Variants in CRKL observed in about 807,000 individuals in gnomAD.
The protein encoded by CRKL is CRK like proto-oncogene, adaptor protein.
CRKL carries 3 observed loss-of-function variants against 23.0 expected under a neutral mutation model. The ratio of observed to expected loss-of-function variants is 0.13; its 90% confidence interval spans 0.06 to 0.34. The LOEUF is 0.34. Among genes scored for constraint, CRKL ranks in the 10% least tolerant of loss-of-function variants. The pLI, the probability that CRKL is intolerant of heterozygous loss-of-function variation, is 1.00. For missense variants in CRKL, 256 were observed against 394.5 expected (o/e 0.65, Z 2.97); for synonymous variants, 188 against 160.7 (o/e 1.17, Z -1.28).
intron 1 of CRKL, among the ~76,000 whole-genome samples, chr22:20,926,849 C>T (rs1292275054): frequency 3.3e-5 from 5 of 151,948 alleles, no homozygotes; most frequent in Non-Finnish European, 7.4e-5. Context: ...TGGTGGCTCA[C>T]GCCTGTAATC....
At position 20,952,112 on chromosome 22, in the gene CRKL, A is replaced by G. The variant is rs1043235; in HGVS notation, c.*2267A>G. 0.62 allele frequency: 139,861 copies of G among 226,484 alleles called. 46,024 individuals are homozygous for G. Among genetic ancestry groups the G allele is most frequent in the South Asian group, 0.8 (4,418 of 5,490 alleles). 14.0% of individuals were successfully genotyped at this position (226,484 alleles called of 1,614,324 possible). On this transcript the variant is annotated 3_prime_UTR_variant, in exon 3 of 3. Coordinates refer to ENST00000354336, the MANE Select transcript of CRKL (RefSeq NM_005207.4). ...TGTTGAGCCATGAGTGGAGTTTCCA[A>G]CAGAGGGAGGAATGTGTGCCTTGTT...
chr22:20,934,115 A>C lies in CRKL; in HGVS notation c.648A>C (p.Leu216=), dbSNP rs1921567147. Residue 216 remains leucine (L), a synonymous_variant, in exon 2 of 3, where the codon CTA becomes CTC. Coordinates refer to ENST00000354336, the MANE Select transcript of CRKL (RefSeq NM_005207.4). ...CTCAACCTCAGACCACAACTCCTCT[A>C]CCTGCAGTTTCCGGTTCTCCTGGGG... The part of the protein sequence containing the change: ...AYAQPQTTTP[L]PAVSGSPGAA... 2 of 1,614,172 alleles carry C rather than the reference A, an allele frequency of 1.2e-6. No individual in the cohort carries two copies. The highest frequency in any genetic ancestry group is 1.6e-4 in the Middle Eastern group (1 of 6,062).
At chr22:20,939,264 A>G (rs1283741085) in intron 2 of CRKL, among the ~76,000 whole-genome samples, 2 of 113,494 alleles carry the variant, frequency 1.8e-5, no homozygotes, top group African/African-American at 6.8e-5. Flanking sequence ...TTTTTGAGAC[A>G]GAGTCTTGCT....
At chr22:20,941,515 ATG>A (rs57195377) in intron 2 of CRKL, among the ~76,000 whole-genome samples, 916 of 63,972 alleles carry the variant, frequency 0.014, 61 homozygotes, top group African/African-American at 0.039. Context: ...GTGTTTGTGT[ATG>A]TGTATATATA....
At chr22:20,927,004 C>T (rs539191371) in intron 1 of CRKL, among the ~76,000 whole-genome samples, 1 of 145,724 alleles carries the variant, frequency 6.9e-6, no homozygotes, top group African/African-American at 2.6e-5. Flanking sequence ...CCCAGCTACT[C>T]GGGAGGCTGA....
In CRKL at chr22:20,937,033, G is replaced by A. The variant is rs569182268; in HGVS notation, c.777+2789G>A. Among the ~76,000 whole-genome samples, 3 of 152,100 alleles carry A rather than the reference G, an allele frequency of 2.0e-5. No homozygotes were observed. In the South Asian group the frequency reaches 6.2e-4, roughly 32 times the overall value. On this transcript the variant is annotated intron_variant, in intron 2 of 2. Transcript: ENST00000354336. Reference sequence around the variant, plus strand: ...CCGCCACCATACCCAACTGTTTTTAGTAGAGACCGGGTTTCACTATGTTGG... The same window carrying A: ...CCGCCACCATACCCAACTGTTTTTAATAGAGACCGGGTTTCACTATGTTGG...
intron 2 of CRKL, among the ~76,000 whole-genome samples, chr22:20,942,663 C>A (rs1601684303): frequency 6.6e-6 from 1 of 152,032 alleles, no homozygotes; most frequent in Non-Finnish European, 1.5e-5. Flanking sequence ...CTCTGTTGCC[C>A]AGGCTGGAGT....
rs1922204597 is a variant in CRKL, at chr22:20,949,974, G to A, written c.*129G>A. 1.6e-6 allele frequency: 2 copies of A among 1,249,746 alleles called. No homozygotes were observed. Among genetic ancestry groups the A allele is most frequent in the Non-Finnish European group, 2.2e-6 (2 of 914,674 alleles). 77.4% of individuals were successfully genotyped at this position (1,249,746 alleles called of 1,614,324 possible). A position where few individuals can be genotyped will look rare whatever the true frequency, so the allele number is the denominator to read the frequency against. The stretch of plus-strand genomic sequence containing the variant: ...AAGTCCAGCTTTCTGCAGACTGGCA[G>A]TCGCACACACATTTGGAATGCACAC... On this transcript the variant is annotated 3_prime_UTR_variant, in exon 3 of 3. Transcript: ENST00000354336.
At chr22:20,922,063 A>C (rs1921015424) in intron 1 of CRKL, among the ~76,000 whole-genome samples, 1 of 122,366 alleles carries the variant, frequency 8.2e-6, no homozygotes, top group South Asian at 2.8e-4. Context: ...GCCAGGCTAG[A>C]GTGCAGTGGC....
rs557816056 is a variant in CRKL, at chr22:20,927,936, C to T, written c.312-5843C>T. On this transcript the variant is annotated intron_variant, in intron 1 of 2. Coordinates refer to ENST00000354336, the MANE Select transcript of CRKL (RefSeq NM_005207.4). Reference sequence around the variant, plus strand: ...CAGCACTTTGGGAGGCCGAGGGAGGCAGATCACTTGAGGTCAGGAGTTTAA... The same window carrying T: ...CAGCACTTTGGGAGGCCGAGGGAGGTAGATCACTTGAGGTCAGGAGTTTAA... Among the ~76,000 whole-genome samples the T allele has an allele frequency of 2.7e-4, 39 of 143,572 alleles. No individual in the cohort carries two copies. In the East Asian group the frequency reaches 4.0e-3, roughly 15 times the overall value. The allele number at this position is 143,572 out of a possible 152,430, so 94.2% of individuals were successfully genotyped here.
intron 1 of CRKL, 83 bp from the exon 2 acceptor site, chr22:20,933,696 G>A (rs1921548580): frequency 9.0e-7 from 1 of 1,107,118 alleles, no homozygotes; most frequent in Non-Finnish European, 1.3e-6. Context: ...TTATTATAGA[G>A]GAGAGTGGTA....
chr22:20,941,586 A>G (rs866927547), intron 2 of CRKL, among the ~76,000 whole-genome samples: 7 of 18,764 alleles, frequency 3.7e-4, no homozygotes, highest in Non-Finnish European at 5.1e-4. Flanking sequence ...GTGTATATAT[A>G]TATTTTTTTT....
intron 2 of CRKL, among the ~76,000 whole-genome samples, chr22:20,938,436 C>T (rs1921743411): frequency 6.6e-6 from 1 of 152,112 alleles, no homozygotes; most frequent in Non-Finnish European, 1.5e-5. Context: ...ATGAGACTAA[C>T]GTCACTGAAT....
At chr22:20,918,888 C>T (rs1929788762) in intron 1 of CRKL, among the ~76,000 whole-genome samples, 1 of 152,064 alleles carries the variant, frequency 6.6e-6, no homozygotes, top group Non-Finnish European at 1.5e-5. Flanking sequence ...CCACACCCGG[C>T]CAAAAACCGT....
intron 1 of CRKL, among the ~76,000 whole-genome samples, chr22:20,927,842 CAAAA>C (rs796204860): frequency 1.8e-4 from 10 of 56,240 alleles, no homozygotes; most frequent in African/African-American, 3.8e-4. Context: ...GACTCTGTCT[CAAAA>C]AAAAAAAAAA....
At chr22:20,949,118 G>T (rs1044433464) in intron 2 of CRKL, among the ~76,000 whole-genome samples, 5 of 152,090 alleles carry the variant, frequency 3.3e-5, no homozygotes, top group Admixed American at 1.3e-4. Flanking sequence ...TTCTGTGTGT[G>T]TGTGTGTTTT....
In CRKL at chr22:20,934,057, G is replaced by A. The variant is rs2147905386; in HGVS notation, c.590G>A (p.Ser197Asn). The part of the protein sequence containing the change: ...HGKHGNRNSN[S>N]YGIPEPAHAY... ...AAGCATGGAAATAGGAATTCCAACA[G>A]TTATGGGATCCCAGAACCTGCTCAT... Residue 197 changes from serine to asparagine, a missense_variant, in exon 2 of 3, where the codon AGT becomes AAT. This residue lies in a region of CRKL where 129 missense variants were observed against 222.1 expected (regional missense o/e 0.58). Coordinates refer to ENST00000354336, the MANE Select transcript of CRKL (RefSeq NM_005207.4). 1 of 1,614,178 alleles carries A rather than the reference G, an allele frequency of 6.2e-7. No homozygotes were observed.
rs193178703 is a variant in CRKL, at chr22:20,933,528, C to T, written c.312-251C>T. Among the ~76,000 whole-genome samples the T allele has an allele frequency of 2.4e-3, 363 of 151,546 alleles. 1 individual carries two copies. Among genetic ancestry groups the T allele is most frequent in the African/African-American group, 8.3e-3 (341 of 41,292 alleles). On this transcript the variant is annotated intron_variant, in intron 1 of 2. Transcript: ENST00000354336. ...CTAAAAATAAAAAAAGTTACCTGGG[C>T]GTGGTAGTGGGCGCCTGTAATCCCA...
intron 1 of CRKL, among the ~76,000 whole-genome samples, chr22:20,933,400 C>T (rs541214850): frequency 1.5e-4 from 22 of 151,318 alleles, no homozygotes; most frequent in African/African-American, 5.3e-4. Flanking sequence ...GGCATGGTGG[C>T]TCATGCTTGT....
Sources: allele counts gnomAD v4.1 joint callset (sites outside exome capture counted in the v4.1 genomes callset), GRCh38; gene constraint gnomAD v4.1.1; regional missense constraint gnomAD v4.1.1; transcripts MANE v1.5; gene names NCBI Gene and HGNC (gene_info 2026-07-23, HGNC 2026-07-21).